CDKN2AIPNL: variants seen among roughly 807,000 people sequenced by gnomAD.
CDKN2AIPNL encodes CDKN2AIP N-terminal-like protein.
Under a neutral mutation model 12.9 loss-of-function variants are expected in CDKN2AIPNL, and 9 were observed. The observed-to-expected ratio is 0.70, with a 90% CI of 0.42 to 1.22. The LOEUF (loss-of-function observed/expected upper bound fraction) is 1.22, where lower values mean the gene tolerates loss of function less well. CDKN2AIPNL is among the 50% of genes most tolerant of loss of function. The pLI, the probability that CDKN2AIPNL is intolerant of heterozygous loss-of-function variation, is 0.00. For missense variants in CDKN2AIPNL, 143 were observed against 153.6 expected, an observed-to-expected ratio of 0.93 and a Z score of 0.37; for synonymous variants, 53 against 61.7, an observed-to-expected ratio of 0.86 and a Z score of 0.66.
In CDKN2AIPNL at chr5:134,404,651, C is replaced by T. The variant is rs562080658; in HGVS notation, c.340-1725G>A. On this transcript the variant is annotated intron_variant, in intron 2 of 2. Coordinates refer to ENST00000458198, the MANE Select transcript of CDKN2AIPNL (RefSeq NM_080656.3). ...TGATTTTTTTTTTTTTTTTAATACT[C>T]ACCAACATTTGCACCATCTTAGAAT... Among the ~76,000 whole-genome samples the T allele has an allele frequency of 6.0e-5, 9 of 150,270 alleles. No homozygotes were observed. The South Asian group carries it at 1.5e-3, about 25-fold the overall frequency.
intron 2 of CDKN2AIPNL, among the ~76,000 whole-genome samples, chr5:134,406,671 T>C (rs1759108383): frequency 6.6e-6 from 1 of 152,148 alleles, no homozygotes; most frequent in Non-Finnish European, 1.5e-5. Flanking sequence ...GGCAGGTGGA[T>C]CATTTGAGAC....
chr5:134,411,671 C>G lies in CDKN2AIPNL; in HGVS notation c.184G>C (p.Asp62His). ...ACCATGGAGAGGGAGAGCAGCTGGTCCAGGCGGCCACTGCCGTCGGGCGGG... is the reference window on the plus strand; with the variant it reads ...ACCATGGAGAGGGAGAGCAGCTGGTGCAGGCGGCCACTGCCGTCGGGCGGG... The part of the protein sequence containing the change: ...RDPPDGSGRL[D>H]QLLSLSMVWA... Residue 62 changes from aspartate to histidine, a missense_variant, in exon 1 of 3, where the codon GAC becomes CAC. Physicochemically the swap from Asp to His is moderately conservative, Grantham distance 81. Coordinates refer to ENST00000458198, the MANE Select transcript of CDKN2AIPNL (RefSeq NM_080656.3). 1 of 1,613,008 alleles carries G rather than the reference C, an allele frequency of 6.2e-7. No individual in the cohort carries two copies.
chr5:134,408,805 C>T (rs1015102511), intron 2 of CDKN2AIPNL, among the ~76,000 whole-genome samples: 1 of 152,118 alleles, frequency 6.6e-6, no homozygotes, highest in Non-Finnish European at 1.5e-5. Context: ...TCTCGAAAAC[C>T]AACCTGAAGC....
chr5:134,404,631 T>TG (rs2149696857), intron 2 of CDKN2AIPNL, among the ~76,000 whole-genome samples: 1 of 151,124 alleles, frequency 6.6e-6, no homozygotes, highest in African/African-American at 2.4e-5. Context: ...TAGGCTGATT[T>TG]TTTTTTTTTT....
chr5:134,406,324 T>C (rs1759103170), intron 2 of CDKN2AIPNL, among the ~76,000 whole-genome samples: 1 of 152,230 alleles, frequency 6.6e-6, no homozygotes, highest in Admixed American at 6.5e-5. Flanking sequence ...CTCTAATTTT[T>C]TAGCTAAAGC....
Position 134,405,631 on chromosome 5 carries a change from G to T in CDKN2AIPNL, c.340-2705C>A, listed in dbSNP as rs1283996333. On this transcript the variant is annotated intron_variant, in intron 2 of 2. Coordinates refer to ENST00000458198, the MANE Select transcript of CDKN2AIPNL (RefSeq NM_080656.3). The stretch of plus-strand genomic sequence containing the variant: ...GGGGTTTCACCATGTTGGTCAGACT[G>T]GTCTCAAACTCCTGACCTCGTGACC... Among the ~76,000 whole-genome samples, 3 of 151,334 alleles carry T rather than the reference G, an allele frequency of 2.0e-5. No individual in the cohort carries two copies. The East Asian group carries it at 5.8e-4, about 29-fold the overall frequency.
In CDKN2AIPNL at chr5:134,402,856, C is replaced by T. The variant is rs1400881986; in HGVS notation, c.*59G>A. On this transcript the variant is annotated 3_prime_UTR_variant, in exon 3 of 3. Transcript: ENST00000458198. ...GAGCTGCTGTGGTCTATGTCACATT[C>T]ATCCCAGCCTCCTTTCTAATCCTGT... 11 of 1,536,150 alleles carry T rather than the reference C, an allele frequency of 7.2e-6. No individual in the cohort carries two copies. The highest frequency in any genetic ancestry group is 8.9e-6 in the Non-Finnish European group (10 of 1,117,366).
rs908449441 is a variant in CDKN2AIPNL, at chr5:134,409,933, T to C, written c.309A>G (p.Gln103=). ...TCATTAATTCACTTCTGGTAGTAAA[T>C]TGTGGCAGGTCTTCCACTTCAATCC... The part of the protein sequence containing the change: ...ADGIEVEDLP[Q]FTTRSELMKK... Residue 103 remains glutamine, a synonymous_variant, in exon 2 of 3, where the codon CAA becomes CAG. Transcript: ENST00000458198. The C allele has an allele frequency of 3.1e-6, 5 of 1,611,970 alleles. No individual in the cohort carries two copies. The highest frequency in any genetic ancestry group is 1.7e-5 in the Admixed American group (1 of 59,942).
Position 134,411,691 on chromosome 5 carries a change from G to A in CDKN2AIPNL, c.164C>T (p.Pro55Leu), listed in dbSNP as rs760932573. 6.2e-6 allele frequency: 10 copies of A among 1,613,200 alleles called. No homozygotes were observed. The highest frequency in any genetic ancestry group is 8.5e-6 in the Non-Finnish European group (10 of 1,179,842). Residue 55 changes from proline (P) to leucine (L), a missense_variant, in exon 1 of 3, where the codon CCC (proline) becomes CTC (leucine). This residue lies in a region of CDKN2AIPNL where 111 missense variants were observed against 111.4 expected (regional missense o/e 1.00). Transcript: ENST00000458198. Reference sequence around the variant, plus strand: ...CTGGTCCAGGCGGCCACTGCCGTCGGGCGGGTCGCGGTAGTCGGGCAGGTG... The same window carrying A: ...CTGGTCCAGGCGGCCACTGCCGTCGAGCGGGTCGCGGTAGTCGGGCAGGTG... ...LRHLPDYRDP[P>L]DGSGRLDQLL...
intron 1 of CDKN2AIPNL, 58 bp from the exon 2 acceptor site, chr5:134,410,060 T>C: frequency 1.6e-6 from 2 of 1,214,554 alleles, no homozygotes; most frequent in South Asian, 2.5e-5. Flanking sequence ...TGTGGATTAA[T>C]AAGAAACTGC....
At chr5:134,403,985 CTT>C (rs1369175255) in intron 2 of CDKN2AIPNL, among the ~76,000 whole-genome samples, 2 of 152,194 alleles carry the variant, frequency 1.3e-5, no homozygotes, top group Non-Finnish European at 2.9e-5. Flanking sequence ...TATAAGAAGA[CTT>C]TCACCATTTA....
At position 134,411,827 on chromosome 5, in the gene CDKN2AIPNL, C is replaced by T. The variant is rs370981313; in HGVS notation, c.28G>A (p.Val10Met). Reference protein sequence around the residue: MVGGEAAAAVEELVSGVRQA... With the variant: MVGGEAAAAMEELVSGVRQA... ...CGCACCCCCGAAACCAGCTCCTCCA[C>T]TGCGGCAGCCGCCTCGCCACCGACC... Residue 10 changes from valine (V) to methionine (M), a missense_variant, in exon 1 of 3, where the codon GTG becomes ATG. Val to Met is a conservative substitution (Grantham distance 21). This residue lies in a region of CDKN2AIPNL where 30 missense variants were observed against 25.2 expected (regional missense o/e 1.19). Coordinates refer to ENST00000458198, the MANE Select transcript of CDKN2AIPNL (RefSeq NM_080656.3). The T allele has an allele frequency of 5.1e-5, 81 of 1,580,788 alleles. 1 individual carries two copies. In the Middle Eastern group the frequency reaches 6.9e-4, roughly 14 times the overall value.
At chr5:134,410,790 G>C (rs1373665981) in intron 1 of CDKN2AIPNL, 2 of 552,224 alleles carry the variant, frequency 3.6e-6, no homozygotes, top group Non-Finnish European at 6.5e-6. Flanking sequence ...CAAATGACCA[G>C]AGTCAGGCAG....
intron 2 of CDKN2AIPNL, among the ~76,000 whole-genome samples, chr5:134,406,043 T>C (rs1246551370): frequency 6.6e-6 from 1 of 151,990 alleles, no homozygotes; most frequent in Non-Finnish European, 1.5e-5. Flanking sequence ...TGTGTTTGAA[T>C]CCCCTTTCAA....
intron 2 of CDKN2AIPNL, among the ~76,000 whole-genome samples, chr5:134,409,034 A>C (rs1276198161): frequency 2.8e-4 from 42 of 152,154 alleles, no homozygotes; most frequent in Non-Finnish European, 2.9e-5. Flanking sequence ...CTATGTTTCT[A>C]AGGGCAGACC....
intron 2 of CDKN2AIPNL, among the ~76,000 whole-genome samples, chr5:134,406,148 C>T (rs1759101276): frequency 6.6e-6 from 1 of 152,198 alleles, no homozygotes; most frequent in Non-Finnish European, 1.5e-5. Context: ...AAGAGCTGGA[C>T]AGATTGCAGA....
At chr5:134,408,224 T>C (rs1759134780) in intron 2 of CDKN2AIPNL, among the ~76,000 whole-genome samples, 1 of 152,072 alleles carries the variant, frequency 6.6e-6, no homozygotes, top group South Asian at 2.1e-4. Flanking sequence ...CCAGAAACTA[T>C]CTAGCTCCTC....
intron 2 of CDKN2AIPNL, among the ~76,000 whole-genome samples, chr5:134,407,810 A>G (rs1191839510): frequency 6.6e-6 from 1 of 151,260 alleles, no homozygotes; most frequent in Non-Finnish European, 1.5e-5. Context: ...TCTTAGAAAC[A>G]AAAAGGAAAG....
At chr5:134,404,936 C>T (rs1759080667) in intron 2 of CDKN2AIPNL, among the ~76,000 whole-genome samples, 2 of 152,018 alleles carry the variant, frequency 1.3e-5, no homozygotes, top group Non-Finnish European at 2.9e-5. Flanking sequence ...CAGGCAGGTA[C>T]TACCACGCCC....
Sources: allele counts gnomAD v4.1 joint callset (sites outside exome capture counted in the v4.1 genomes callset), GRCh38; gene constraint gnomAD v4.1.1; regional missense constraint gnomAD v4.1.1; transcripts MANE v1.5; gene names NCBI Gene and HGNC (gene_info 2026-07-23, HGNC 2026-07-21).